CALN1: variants seen among roughly 807,000 people sequenced by gnomAD.
CALN1 encodes the protein calneuron 1, also known as calcium-binding protein 8.
In CALN1, 17 loss-of-function variants were observed where a neutral mutation model predicts 30.6. That is an observed-to-expected ratio of 0.56 (90% CI 0.38 to 0.83). CALN1 has a LOEUF of 0.83. Ranked by LOEUF, CALN1 falls within the 40% of genes least tolerant of loss-of-function variation. The probability of loss-of-function intolerance (pLI) is 0.00; values close to 1 mark genes in which losing one functional copy is unlikely to be tolerated. For missense variants in CALN1, 291 were observed against 354.9 expected (o/e 0.82, Z 1.45); for synonymous variants, 156 against 131.4 (o/e 1.19, Z -1.28).
chr7:72,121,891 AAT>A (rs1178349887), intron 3 of CALN1, among the ~76,000 whole-genome samples: 2 of 147,450 alleles, frequency 1.4e-5, no homozygotes, highest in African/African-American at 2.5e-5. Flanking sequence ...AATTATATAT[AAT>A]ATATATTTTA....
chr7:72,013,530 A>G (rs1800211211), intron 5 of CALN1, among the ~76,000 whole-genome samples: 1 of 152,024 alleles, frequency 6.6e-6, no homozygotes, highest in Non-Finnish European at 1.5e-5. Context: ...GGAATTACAG[A>G]CAGGAGATAC....
chr7:72,303,114 A>G (rs1469337424), intron 2 of CALN1, among the ~76,000 whole-genome samples: 1 of 152,026 alleles, frequency 6.6e-6, no homozygotes, highest in Non-Finnish European at 1.5e-5. Context: ...CAATTCATAG[A>G]CATCATCTAA....
chr7:72,395,130 G>A lies in CALN1; in HGVS notation c.119+8121C>T, dbSNP rs140297138. ...CCCCAAGACCCTGTAGACTGCATGA[G>A]GAAAGGATTATTCACCTTTTTATCT... On this transcript the variant is annotated intron_variant, in intron 2 of 6. Transcript: ENST00000395275. 3.4e-3 allele frequency among the ~76,000 whole-genome samples: 512 copies of A among 152,266 alleles called. 8 individuals are homozygous for A. The highest frequency in any genetic ancestry group is 0.027 in the Admixed American group (418 of 15,294).
At chr7:71,795,320 G>A (rs1001741032) in intron 6 of CALN1, among the ~76,000 whole-genome samples, 2 of 152,006 alleles carry the variant, frequency 1.3e-5, no homozygotes, top group African/African-American at 2.4e-5. Flanking sequence ...GTGCGTGCCC[G>A]GCCATCTTCC....
intron 1 of CALN1, among the ~76,000 whole-genome samples, chr7:72,406,691 ACTGCAG>A (rs1185028841): frequency 4.8e-5 from 7 of 147,276 alleles, no homozygotes; most frequent in African/African-American, 1.8e-4. Flanking sequence ...ATCCCTGCTC[ACTGCAG>A]GCTCTGCCTC....
intron 6 of CALN1, among the ~76,000 whole-genome samples, chr7:71,802,465 G>A (rs899498997): frequency 2.0e-5 from 3 of 152,088 alleles, no homozygotes; most frequent in Admixed American, 1.3e-4. Context: ...TATGGGCTTG[G>A]TAAGTTTTTT....
At chr7:72,198,547 T>TCCTC (rs757471443) in intron 3 of CALN1, among the ~76,000 whole-genome samples, 16 of 151,976 alleles carry the variant, frequency 1.1e-4, no homozygotes, top group Admixed American at 5.3e-4. Context: ...AGCCACATTC[T>TCCTC]CCTCCCTCCC....
At chr7:71,796,540 T>G (rs1196792770) in intron 6 of CALN1, among the ~76,000 whole-genome samples, 2 of 151,906 alleles carry the variant, frequency 1.3e-5, no homozygotes, top group Non-Finnish European at 2.9e-5. Flanking sequence ...TTTGTATTTT[T>G]AGTAGAGATG....
chr7:72,335,041 A>C (rs980375211), intron 2 of CALN1, among the ~76,000 whole-genome samples: 1 of 152,170 alleles, frequency 6.6e-6, no homozygotes, highest in African/African-American at 2.4e-5. Context: ...CCCTGGAATG[A>C]ATCCTAAACT....
chr7:71,804,235 A>T (rs762253978), intron 6 of CALN1, among the ~76,000 whole-genome samples: 1 of 152,336 alleles, frequency 6.6e-6, no homozygotes, highest in East Asian at 1.9e-4. Context: ...TGGGCCCGCC[A>T]CAGTGGCTCA....
chr7:72,275,904 C>T (rs1585332801), intron 3 of CALN1, among the ~76,000 whole-genome samples: 1 of 152,284 alleles, frequency 6.6e-6, no homozygotes, highest in South Asian at 2.1e-4. Flanking sequence ...GCCAGCAGCC[C>T]TCTTGAAAAG....
intron 4 of CALN1, among the ~76,000 whole-genome samples, chr7:72,049,557 G>A (rs1802696950): frequency 3.3e-5 from 5 of 152,144 alleles, no homozygotes; most frequent in Admixed American, 3.3e-4. Flanking sequence ...GCCCAGTCTG[G>A]AGTGCAGTGG....
At chr7:71,894,153 C>T (rs1263356388) in intron 5 of CALN1, among the ~76,000 whole-genome samples, 1 of 152,160 alleles carries the variant, frequency 6.6e-6, no homozygotes, top group Admixed American at 6.6e-5. Context: ...ATTTTTAGTG[C>T]TTCCTTTGTC....
the CALN1 span, among the ~76,000 whole-genome samples, chr7:72,487,713 A>AAAAGAAAG: frequency 6.4e-3 from 438 of 68,452 alleles, 5 homozygotes; most frequent in Middle Eastern, 0.027. Context: ...AAAAGAAAAG[A>AAAAGAAAG]AAAGAAAGAA....
At chr7:72,153,152 A>G (rs1274628774) in intron 3 of CALN1, among the ~76,000 whole-genome samples, 1 of 152,196 alleles carries the variant, frequency 6.6e-6, no homozygotes, top group Admixed American at 6.5e-5. Flanking sequence ...TTCTGTTCCA[A>G]GAAGAGTATT....
At chr7:72,176,927 A>T (rs954573254) in intron 3 of CALN1, among the ~76,000 whole-genome samples, 1 of 152,056 alleles carries the variant, frequency 6.6e-6, no homozygotes, top group African/African-American at 2.4e-5. Flanking sequence ...CCCTTCCAAA[A>T]CCTCATCCTG....
intron 3 of CALN1, among the ~76,000 whole-genome samples, chr7:72,215,154 C>T (rs1161014535): frequency 2.0e-5 from 3 of 152,250 alleles, no homozygotes; most frequent in South Asian, 2.1e-4. Flanking sequence ...AAAAGGGCTG[C>T]GGACCACTGG....
the CALN1 span, among the ~76,000 whole-genome samples, chr7:72,477,901 C>A: frequency 6.6e-6 from 1 of 152,168 alleles, no homozygotes; most frequent in African/African-American, 2.4e-5. Context: ...TTCTCCAAAA[C>A]CTCCTCTATC....
chr7:72,355,069 C>T (rs1489767489), intron 2 of CALN1, among the ~76,000 whole-genome samples: 2 of 152,030 alleles, frequency 1.3e-5, no homozygotes, highest in East Asian at 1.9e-4. Context: ...CCACCATGCC[C>T]GGCTAATTTT....
Sources: allele counts gnomAD v4.1 joint callset (sites outside exome capture counted in the v4.1 genomes callset), GRCh38; gene constraint gnomAD v4.1.1; transcripts MANE v1.5; gene names NCBI Gene and HGNC (gene_info 2026-07-23, HGNC 2026-07-21).